CNTN5: variants seen among roughly 807,000 people sequenced by gnomAD.
The protein encoded by CNTN5 is contactin 5, also known as contactin-5.
Under a neutral mutation model 129.1 loss-of-function variants are expected in CNTN5, and 77 were observed. That is an observed-to-expected ratio of 0.60 (90% confidence interval 0.50 to 0.72). The LOEUF (loss-of-function observed/expected upper bound fraction) is 0.72, where lower values mean the gene tolerates loss of function less well. CNTN5 is among the 30% of genes least tolerant of loss of function. The probability of loss-of-function intolerance (pLI) is 0.00; values close to 1 mark genes in which losing one functional copy is unlikely to be tolerated. For synonymous variants in CNTN5, 509 were observed against 465.6 expected (o/e 1.09, Z -1.20); for missense variants, 1,478 against 1,328.8 (o/e 1.11, Z -1.75).
chr11:99,081,272 T>G (rs1446297781), intron 1 of CNTN5, among the ~76,000 whole-genome samples: 1 of 152,158 alleles, frequency 6.6e-6, no homozygotes, highest in Non-Finnish European at 1.5e-5. Context: ...GTGCTTTTTA[T>G]TGAGTGGAAC....
intron 3 of CNTN5, among the ~76,000 whole-genome samples, chr11:99,803,694 G>A (rs1476105475): frequency 1.3e-5 from 2 of 152,158 alleles, no homozygotes; most frequent in African/African-American, 4.8e-5. Flanking sequence ...GAAACAAAGT[G>A]CCCTCCCTTT....
At position 99,257,333 on chromosome 11, in the gene CNTN5, C is replaced by G. The variant is rs1321357772; in HGVS notation, c.-209-68013C>G. The stretch of plus-strand genomic sequence containing the variant: ...ACTGTCACAAGCTAAGAGCATTGCT[C>G]AACGTTGCACAACCTCACTGTAGAC... On this transcript the variant is annotated intron_variant, in intron 1 of 24. Coordinates refer to ENST00000524871, the MANE Select transcript of CNTN5 (RefSeq NM_014361.4). Among the ~76,000 whole-genome samples the G allele has an allele frequency of 3.9e-5, 6 of 152,198 alleles. No homozygotes were observed. In the South Asian group the frequency reaches 1.2e-3, roughly 32 times the overall value.
intron 17 of CNTN5, among the ~76,000 whole-genome samples, chr11:100,262,858 C>T (rs1457855964): frequency 2.0e-5 from 3 of 151,894 alleles, no homozygotes; most frequent in Admixed American, 1.3e-4. Context: ...TTGATGGGTG[C>T]AGCAAACCAC....
chr11:99,639,646 C>A (rs1229097811), intron 3 of CNTN5, among the ~76,000 whole-genome samples: 1 of 131,816 alleles, frequency 7.6e-6, no homozygotes, highest in Non-Finnish European at 1.5e-5. Flanking sequence ...CTCACTGAGG[C>A]CTCTGCCTCC....
intron 2 of CNTN5, among the ~76,000 whole-genome samples, chr11:99,534,954 G>A (rs1947848523): frequency 6.6e-6 from 1 of 152,144 alleles, no homozygotes; most frequent in Non-Finnish European, 1.5e-5. Context: ...TCAGAGAACT[G>A]AAAGAAGGCT....
At chr11:99,607,303 C>G (rs1399196300) in intron 3 of CNTN5, among the ~76,000 whole-genome samples, 1 of 119,924 alleles carries the variant, frequency 8.3e-6, no homozygotes, top group Non-Finnish European at 1.8e-5. Context: ...TGAACAGACA[C>G]TTCTCAAAAG....
At chr11:99,522,624 A>C (rs2515382) in intron 2 of CNTN5, among the ~76,000 whole-genome samples, 2 of 152,048 alleles carry the variant, frequency 1.3e-5, no homozygotes, top group Non-Finnish European at 2.9e-5. Context: ...TGTAATTTTA[A>C]CCAATGACTC....
intron 1 of CNTN5, among the ~76,000 whole-genome samples, chr11:99,024,900 T>C (rs560355749): frequency 2.6e-3 from 391 of 152,142 alleles, no homozygotes; most frequent in Middle Eastern, 6.8e-3. Context: ...GTGTATTTCT[T>C]AAGCTAGAAT....
chr11:100,131,563 C>T (rs772799801), intron 13 of CNTN5, among the ~76,000 whole-genome samples: 5 of 150,942 alleles, frequency 3.3e-5, no homozygotes, highest in Non-Finnish European at 7.4e-5. Context: ...TGGTAATGGT[C>T]GAAACAAAGC....
chr11:100,185,714 A>G (rs1948281682), intron 13 of CNTN5, among the ~76,000 whole-genome samples: 1 of 152,138 alleles, frequency 6.6e-6, no homozygotes. Context: ...TAGGCTCCCA[A>G]TCCAATAGAA....
chr11:99,711,218 C>A (rs549178383), intron 3 of CNTN5, among the ~76,000 whole-genome samples: 2 of 151,910 alleles, frequency 1.3e-5, no homozygotes, highest in East Asian at 3.9e-4. Flanking sequence ...CAAAGCAACT[C>A]TATAGAGATA....
At chr11:100,282,771 C>T (rs1173737873) in intron 18 of CNTN5, among the ~76,000 whole-genome samples, 1 of 152,214 alleles carries the variant, frequency 6.6e-6, no homozygotes, top group East Asian at 1.9e-4. Context: ...TTCTATTGTA[C>T]TGCAGCTGAG....
chr11:99,274,460 C>A (rs940502151), intron 1 of CNTN5, among the ~76,000 whole-genome samples: 1 of 151,506 alleles, frequency 6.6e-6, no homozygotes, highest in Non-Finnish European at 1.5e-5. Flanking sequence ...GTACAACAAA[C>A]CTCAGGCTGA....
Position 100,198,905 on chromosome 11 carries a change from C to G in CNTN5, c.1884+5242C>G, listed in dbSNP as rs147073534. Among the ~76,000 whole-genome samples, 199 of 151,988 alleles carry G rather than the reference C, an allele frequency of 1.3e-3. 1 individual carries two copies. Among genetic ancestry groups the G allele is most frequent in the Non-Finnish European group, 2.3e-3 (157 of 67,902 alleles). ...TTTATATTAGCTGGAAAACTCTAGC[C>G]TATATTAATTTTCTTATTACAGACA... On this transcript the variant is annotated intron_variant, in intron 15 of 24. Coordinates refer to ENST00000524871, the MANE Select transcript of CNTN5 (RefSeq NM_014361.4).
intron 1 of CNTN5, among the ~76,000 whole-genome samples, chr11:99,057,647 G>T (rs1227299925): frequency 6.6e-6 from 1 of 151,756 alleles, no homozygotes; most frequent in Non-Finnish European, 1.5e-5. Flanking sequence ...TGCCTACTTT[G>T]TGCTAGGCAC....
chr11:99,467,431 C>T (rs558896048), intron 2 of CNTN5, among the ~76,000 whole-genome samples: 12 of 152,230 alleles, frequency 7.9e-5, no homozygotes, highest in African/African-American at 2.6e-4. Context: ...ACATGAGTAA[C>T]GTCTTCTAAA....
At chr11:99,078,511 A>G (rs1865669271) in intron 1 of CNTN5, among the ~76,000 whole-genome samples, 1 of 152,232 alleles carries the variant, frequency 6.6e-6, no homozygotes, top group South Asian at 2.1e-4. Flanking sequence ...ACAATAGCCA[A>G]GATTTGGAAT....
intron 13 of CNTN5, among the ~76,000 whole-genome samples, chr11:100,091,907 A>G (rs1944802250): frequency 6.6e-6 from 1 of 152,054 alleles, no homozygotes; most frequent in African/African-American, 2.4e-5. Context: ...CCTACCTTAT[A>G]TGTGTCCATG....
At chr11:99,043,653 A>C (rs915890784) in intron 1 of CNTN5, among the ~76,000 whole-genome samples, 1 of 152,186 alleles carries the variant, frequency 6.6e-6, no homozygotes, top group African/African-American at 2.4e-5. Flanking sequence ...TCCTTTATAG[A>C]TATTGAGTGA....
Sources: gnomAD v4.1 joint callset for allele counts (sites outside exome capture counted in the v4.1 genomes callset) on GRCh38, gnomAD v4.1.1 for gene constraint, MANE v1.5 for transcripts, NCBI Gene and HGNC (gene_info 2026-07-23, HGNC 2026-07-21) for gene names.